Variants in GABRB2 observed in about 807,000 individuals in gnomAD.
GABRB2 encodes the protein gamma-aminobutyric acid type A receptor subunit beta2.
Under a neutral mutation model 54.7 loss-of-function variants are expected in GABRB2, and 16 were observed. The observed-to-expected ratio is 0.29, with a 90% CI of 0.20 to 0.44. The LOEUF (loss-of-function observed/expected upper bound fraction) is 0.44. GABRB2 is among the 20% of genes least tolerant of loss of function. GABRB2 has a pLI of 1.00. For missense variants in GABRB2, 355 were observed against 644.0 expected (o/e 0.55, Z 4.86); for synonymous variants, 244 against 233.8 (o/e 1.04, Z -0.40).
At chr5:161,444,116 C>T (rs982056483) in intron 4 of GABRB2, among the ~76,000 whole-genome samples, 3 of 152,050 alleles carry the variant, frequency 2.0e-5, no homozygotes, top group African/African-American at 7.2e-5. Flanking sequence ...TGAGGAAATG[C>T]ATTTTCTTTT....
chr5:161,431,774 C>T (rs1226376351), intron 4 of GABRB2, among the ~76,000 whole-genome samples: 1 of 152,180 alleles, frequency 6.6e-6, no homozygotes, highest in Non-Finnish European at 1.5e-5. Flanking sequence ...AAATAAACAT[C>T]TAAGATTGAT....
chr5:161,528,893 T>A (rs978676680), intron 3 of GABRB2, among the ~76,000 whole-genome samples: 1 of 151,906 alleles, frequency 6.6e-6, no homozygotes, highest in East Asian at 1.9e-4. Flanking sequence ...GATCTTGAAA[T>A]ACAACACAAT....
chr5:161,350,840 CT>C (rs1452286589), intron 5 of GABRB2, among the ~76,000 whole-genome samples: 4 of 152,226 alleles, frequency 2.6e-5, no homozygotes, highest in Admixed American at 2.0e-4. Context: ...ACTCCAAGTT[CT>C]TCAGCTTCTG....
At chr5:161,492,278 T>C (rs1322716453) in intron 3 of GABRB2, among the ~76,000 whole-genome samples, 1 of 151,722 alleles carries the variant, frequency 6.6e-6, no homozygotes, top group Non-Finnish European at 1.5e-5. Flanking sequence ...TTGGACGTTA[T>C]CGTTTGTGCT....
intron 3 of GABRB2, among the ~76,000 whole-genome samples, chr5:161,479,655 T>G (rs2113322719): frequency 6.8e-6 from 1 of 147,372 alleles, no homozygotes; most frequent in East Asian, 2.1e-4. Flanking sequence ...AGTGGCACAA[T>G]TTCAGCTCAC....
chr5:161,379,346 T>C (rs943053037), intron 5 of GABRB2, among the ~76,000 whole-genome samples: 2 of 152,168 alleles, frequency 1.3e-5, no homozygotes. Flanking sequence ...CTCCTTAATA[T>C]TCCAAGAATT....
chr5:161,491,756 G>T (rs939417115), intron 3 of GABRB2, among the ~76,000 whole-genome samples: 2 of 151,546 alleles, frequency 1.3e-5, no homozygotes, highest in Non-Finnish European at 3.0e-5. Context: ...ATATTTTACT[G>T]GAGATTATGT....
intron 9 of GABRB2, among the ~76,000 whole-genome samples, chr5:161,310,254 C>A (rs1050612134): frequency 6.6e-6 from 1 of 152,104 alleles, no homozygotes; most frequent in African/African-American, 2.4e-5. Flanking sequence ...GTACAACAAA[C>A]CCCCATGACA....
intron 3 of GABRB2, among the ~76,000 whole-genome samples, chr5:161,508,629 G>A (rs1759676474): frequency 6.6e-6 from 1 of 151,882 alleles, no homozygotes; most frequent in Admixed American, 6.6e-5. Context: ...TCATAATAAG[G>A]AAAATAAACT....
intron 3 of GABRB2, among the ~76,000 whole-genome samples, chr5:161,460,723 G>A (rs1235724653): frequency 6.6e-6 from 1 of 152,040 alleles, no homozygotes; most frequent in Non-Finnish European, 1.5e-5. Flanking sequence ...TGAGATGAAA[G>A]TGGTAAACAA....
chr5:161,417,414 C>G (rs1756710038), intron 4 of GABRB2, among the ~76,000 whole-genome samples: 1 of 152,096 alleles, frequency 6.6e-6, no homozygotes. Context: ...TGATTTTCCC[C>G]AAGAGTCACA....
intron 9 of GABRB2, among the ~76,000 whole-genome samples, chr5:161,297,536 G>A (rs10035452): frequency 0.16 from 24,804 of 151,936 alleles, 3,239 homozygotes; most frequent in African/African-American, 0.35. Context: ...TGTAGTGTTT[G>A]GTTTTCTGTT....
chr5:161,335,729 T>C (rs1457726933), intron 6 of GABRB2, among the ~76,000 whole-genome samples: 1 of 152,136 alleles, frequency 6.6e-6, no homozygotes, highest in African/African-American at 2.4e-5. Flanking sequence ...TAGGAACTCA[T>C]TTCCATAGAT....
At position 161,317,800 on chromosome 5, in the gene GABRB2, T is replaced by A. The variant is rs149340658; in HGVS notation, c.1191+8568A>T. On this transcript the variant is annotated intron_variant, in intron 9 of 9. Transcript: ENST00000393959. The stretch of plus-strand genomic sequence containing the variant: ...AAACAAAAAAAGCCCTTAATAAAAA[T>A]GGGTAAGAATAAGAATAGGCAATTC... 7.2e-3 allele frequency among the ~76,000 whole-genome samples: 1,096 copies of A among 152,030 alleles called. 13 individuals carry two copies. The highest frequency in any genetic ancestry group is 0.024 in the African/African-American group (995 of 41,510).
intron 4 of GABRB2, among the ~76,000 whole-genome samples, chr5:161,424,869 G>A (rs1756953192): frequency 6.6e-6 from 1 of 152,104 alleles, no homozygotes; most frequent in Non-Finnish European, 1.5e-5. Context: ...GACCAATAAT[G>A]ATTCATGGGA....
At chr5:161,398,140 T>A (rs547846615) in intron 5 of GABRB2, among the ~76,000 whole-genome samples, 1 of 152,308 alleles carries the variant, frequency 6.6e-6, no homozygotes, top group East Asian at 1.9e-4. Context: ...CAGAAATCAC[T>A]TATCAAATGA....
chr5:161,302,625 T>A (rs958337750), intron 9 of GABRB2, among the ~76,000 whole-genome samples: 3 of 152,214 alleles, frequency 2.0e-5, no homozygotes, highest in Non-Finnish European at 4.4e-5. Context: ...ACTGTGAAAT[T>A]TCCAGTTACT....
In GABRB2 at chr5:161,291,310, G is replaced by T. The variant is rs936622750; in HGVS notation, c.*2771C>A. 1.3e-5 allele frequency: 2 copies of T among 152,122 alleles called. No individual in the cohort carries two copies. Among genetic ancestry groups the T allele is most frequent in the Non-Finnish European group, 1.5e-5 (1 of 68,014 alleles). The allele number at this position is 152,122 out of a possible 1,614,324, so 9.4% of individuals were successfully genotyped here. ...ATAAACTGATAGTAATCCCATATCA[G>T]AACTACTAAACACACCTTTGTGGTC... is the stretch of plus-strand genomic sequence containing the variant. On this transcript the variant is annotated 3_prime_UTR_variant, in exon 10 of 10. Transcript: ENST00000393959.
chr5:161,478,058 CTA>C (rs112846388), intron 3 of GABRB2, among the ~76,000 whole-genome samples: 31 of 152,050 alleles, frequency 2.0e-4, no homozygotes, highest in African/African-American at 6.7e-4. Context: ...GCAAACTTTT[CTA>C]TGTTTTTAAA....
Sources: gnomAD v4.1 joint callset for allele counts (sites outside exome capture counted in the v4.1 genomes callset) on GRCh38, gnomAD v4.1.1 for gene constraint, MANE v1.5 for transcripts, NCBI Gene and HGNC (gene_info 2026-07-23, HGNC 2026-07-21) for gene names.